The following DENND3 variants were observed in gnomAD, a reference collection of about 807,000 sequenced individuals.
DENND3 encodes DENN domain-containing protein 3.
In DENND3, 88 loss-of-function variants were observed where a neutral mutation model predicts 135.1. The ratio of observed to expected loss-of-function variants is 0.65; its 90% CI spans 0.55 to 0.78. The LOEUF is 0.78. Ranked by LOEUF, DENND3 falls within the 30% of genes least tolerant of loss-of-function variation. The pLI, the probability that DENND3 is intolerant of heterozygous loss-of-function variation, is 0.00. For synonymous variants in DENND3, 693 were observed against 712.3 expected (o/e 0.97, Z 0.43); for missense variants, 1,392 against 1,688.4 (o/e 0.82, Z 3.08).
rs931234675 is a variant in DENND3 at position 141,154,626 on chromosome 8, G to A, written c.1075-1223G>A. ...TGCCCAGGCTGGAGTGCAATGGCAC[G>A]ATCTCAGCTCACTGCAACCTCCGCC... On this transcript the variant is annotated intron_variant, in intron 7 of 22. Transcript: ENST00000519811. This position sits in a 1 kb window ranked among gnomAD's most constrained non-coding sequence, Gnocchi z 4.4. 7.3e-5 allele frequency among the ~76,000 whole-genome samples: 11 copies of A among 151,264 alleles called. No homozygotes were observed. The highest frequency in any genetic ancestry group is 4.2e-4 in the South Asian group (2 of 4,798).
intron 8 of DENND3, among the ~76,000 whole-genome samples, chr8:141,156,355 G>T (rs1392433827): frequency 6.6e-6 from 1 of 152,142 alleles, no homozygotes; most frequent in Non-Finnish European, 1.5e-5. Flanking sequence ...TTCCCAAAGT[G>T]CTGGGATTAC....
intron 9 of DENND3, among the ~76,000 whole-genome samples, chr8:141,162,508 A>G (rs150895351): frequency 2.1e-4 from 32 of 152,358 alleles, no homozygotes; most frequent in African/African-American, 7.5e-4. Flanking sequence ...ATTCTCTCCA[A>G]GAAAACACTG....
intron 18 of DENND3, among the ~76,000 whole-genome samples, chr8:141,187,752 C>T (rs1366983640): frequency 6.6e-6 from 1 of 151,982 alleles, no homozygotes; most frequent in Non-Finnish European, 1.5e-5. Context: ...TCATGAGCCT[C>T]AGATGATAAA....
chr8:141,187,955 A>C (rs950821119), intron 18 of DENND3, among the ~76,000 whole-genome samples: 1 of 152,014 alleles, frequency 6.6e-6, no homozygotes, highest in African/African-American at 2.4e-5. Context: ...GGGGGGCCGA[A>C]GCAGGAGGAT....
intron 20 of DENND3, 102 bp from the exon 21 acceptor site, chr8:141,192,229 C>G (rs1289364214): frequency 6.7e-7 from 1 of 1,488,824 alleles, no homozygotes; most frequent in Non-Finnish European, 9.1e-7. Context: ...GGTGATCCCC[C>G]CCATCACCAC....
At position 141,182,292 on chromosome 8, in the gene DENND3, A is replaced by G. The variant is rs1329951120; in HGVS notation, c.2944+1438A>G. On this transcript the variant is annotated intron_variant, in intron 17 of 22. Coordinates refer to ENST00000519811, the MANE Select transcript of DENND3 (RefSeq NM_001352890.3). This position sits in a 1 kb window ranked among gnomAD's most constrained non-coding sequence, Gnocchi z 5.9. ...AAGCTGTGTGTGAAGCGATTTCCCC[A>G]TAAGAGAGTTTTTCTCTCTTCATGG... The G allele has an allele frequency of 5.1e-6, 5 of 984,776 alleles. No individual in the cohort carries two copies. Among genetic ancestry groups the G allele is most frequent in the African/African-American group, 1.7e-5 (1 of 57,180 alleles). 61.0% of individuals were successfully genotyped at this position (984,776 alleles called of 1,614,324 possible).
At chr8:141,172,185 C>T (rs932802248) in intron 13 of DENND3, among the ~76,000 whole-genome samples, 1 of 140,924 alleles carries the variant, frequency 7.1e-6, no homozygotes, top group Admixed American at 7.0e-5. Context: ...TGTGGGTGTA[C>T]ACTGTGGTAG....
At chr8:141,184,461 A>C (rs1053822847) in intron 17 of DENND3, 2 of 151,854 alleles carry the variant, frequency 1.3e-5, no homozygotes, top group Non-Finnish European at 2.9e-5. Context: ...ACATGGCAAG[A>C]CCTCGTCTAT....
At position 141,192,602 on chromosome 8, in the gene DENND3, C is replaced by G. The variant is rs143606076; in HGVS notation, c.3575C>G (p.Pro1192Arg). The G allele has an allele frequency of 1.3e-4, 212 of 1,589,398 alleles. 1 individual carries two copies. The highest frequency in any genetic ancestry group is 1.7e-4 in the Non-Finnish European group (198 of 1,164,676). Reference sequence around the variant, plus strand: ...AGCCTGAAGGACCTGGCCCAGCCCCCGCAGAGGGTGCCCCTCGAGGACTGC... The same window carrying G: ...AGCCTGAAGGACCTGGCCCAGCCCCGGCAGAGGGTGCCCCTCGAGGACTGC... ...IWSLKDLAQP[P>R]QRVPLEDCSE... Residue 1192 changes from proline (P) to arginine (R), a missense_variant, in exon 22 of 23, where the codon CCG becomes CGG. Transcript: ENST00000519811.
At chr8:141,193,068 C>T (rs909759921) in intron 22 of DENND3, 15 of 375,842 alleles carry the variant, frequency 4.0e-5, no homozygotes, top group African/African-American at 1.3e-4. Flanking sequence ...TGGCTGTGGA[C>T]GTGGCACTCT....
rs558891515 is a variant in DENND3 at position 141,141,410 on chromosome 8, G to A, written c.623+86G>A. ...GAGCCAAGGGACCAGGGGGCTGGAG[G>A]TGGTGGGGGGGCAGCTCTCTGTTCC... On this transcript the variant is annotated intron_variant, in intron 4 of 22. Coordinates refer to ENST00000519811, the MANE Select transcript of DENND3 (RefSeq NM_001352890.3). The surrounding 1 kb of genome is among the most constrained non-coding windows in gnomAD (Gnocchi z 5.3). 8.2e-4 allele frequency: 1,234 copies of A among 1,507,122 alleles called. 5 individuals carry two copies. Among genetic ancestry groups the A allele is most frequent in the South Asian group, 2.7e-3 (234 of 86,384 alleles). The allele number at this position is 1,507,122 out of a possible 1,614,324, so 93.4% of individuals were successfully genotyped here.
intron 15 of DENND3, 57 bp from the exon 16 acceptor site, chr8:141,178,003 AGGTCTCC>A: frequency 6.5e-7 from 1 of 1,535,782 alleles, no homozygotes; most frequent in Non-Finnish European, 8.8e-7. Flanking sequence ...TGTTGCAACA[AGGTCTCC>A]GGTGAACTGA....
chr8:141,151,655 T>G lies in DENND3; in HGVS notation c.892T>G (p.Phe298Val), dbSNP rs776816199. ...CATCCTGACGGAACAGCGGATCGTC[T>G]TCTTCTCCTCGGACTGGGCTCTGCT... ...TCILTEQRIV[F>V]FSSDWALLTL... Residue 298 changes from phenylalanine to valine, a missense_variant, in exon 7 of 23, where the codon TTC becomes GTC. Coordinates refer to ENST00000519811, the MANE Select transcript of DENND3 (RefSeq NM_001352890.3). The G allele has an allele frequency of 2.1e-5, 34 of 1,613,972 alleles. No homozygotes were observed. The highest frequency in any genetic ancestry group is 5.5e-5 in the South Asian group (5 of 91,080).
Position 141,128,869 on chromosome 8 carries a change from C to T in DENND3, c.102+60C>T. ...ACGAGTCGGCAGCCGGGACAGCAGT[C>T]GGAGAGCGGGCGCCCGGGTGCCCTG... On this transcript the variant is annotated intron_variant, in intron 1 of 22. Coordinates refer to ENST00000519811, the MANE Select transcript of DENND3 (RefSeq NM_001352890.3). This position sits in a 1 kb window ranked among gnomAD's most constrained non-coding sequence, Gnocchi z 4.5. 7.9e-7 allele frequency: 1 copy of T among 1,266,088 alleles called. No individual in the cohort carries two copies. Among genetic ancestry groups the T allele is most frequent in the Non-Finnish European group, 1.0e-6 (1 of 973,786 alleles). The allele number at this position is 1,266,088 out of a possible 1,614,324, so 78.4% of individuals were successfully genotyped here.
intron 17 of DENND3, among the ~76,000 whole-genome samples, chr8:141,183,808 C>T (rs1381395316): frequency 6.7e-6 from 1 of 148,972 alleles, no homozygotes; most frequent in Non-Finnish European, 1.5e-5. Flanking sequence ...TCCAGGGCAA[C>T]GCTCACTCTA....
intron 17 of DENND3, among the ~76,000 whole-genome samples, chr8:141,183,562 A>T (rs1485424160): frequency 6.6e-6 from 1 of 151,954 alleles, no homozygotes. Flanking sequence ...GCCAAAAGCA[A>T]TGATTTTAAA....
In DENND3 at chr8:141,167,925, G is replaced by A; in HGVS notation, c.1754-79G>A. ...TTGCATCCAGAGAAACATTGTCCTT[G>A]ACAAGATGATGTGACAGGGACACGT... is the stretch of plus-strand genomic sequence containing the variant. On this transcript the variant is annotated intron_variant, in intron 12 of 22. Coordinates refer to ENST00000519811, the MANE Select transcript of DENND3 (RefSeq NM_001352890.3). The surrounding 1 kb of genome is among the most constrained non-coding windows in gnomAD (Gnocchi z 4.1). The A allele has an allele frequency of 6.6e-7, 1 of 1,522,072 alleles. No homozygotes were observed. The allele number at this position is 1,522,072 out of a possible 1,614,324, so 94.3% of individuals were successfully genotyped here.
chr8:141,160,868 C>CA, intron 9 of DENND3, 81 bp downstream of exon 9: 1 of 1,519,976 alleles, frequency 6.6e-7, no homozygotes, highest in South Asian at 1.3e-5. Flanking sequence ...CACCCCGCCC[C>CA]AGAGGGCAGG....
chr8:141,184,480 A>G lies in DENND3; in HGVS notation c.2945-659A>G, dbSNP rs1589704887. 2.0e-5 allele frequency: 3 copies of G among 150,734 alleles called. No homozygotes were observed. In the East Asian group the frequency reaches 5.8e-4, roughly 29 times the overall value. 9.3% of individuals were successfully genotyped at this position (150,734 alleles called of 1,614,324 possible). On this transcript the variant is annotated intron_variant, in intron 17 of 22. Coordinates refer to ENST00000519811, the MANE Select transcript of DENND3 (RefSeq NM_001352890.3). ...GGCAAGACCTCGTCTATTAAAAAGT[A>G]AAAAAAAATAAAAATAAAAAAAAAT...
Sources: allele counts gnomAD v4.1 joint callset (sites outside exome capture counted in the v4.1 genomes callset), GRCh38; gene constraint gnomAD v4.1.1; non-coding constraint Gnocchi (gnomAD v3.1); transcripts MANE v1.5; gene names NCBI Gene and HGNC (gene_info 2026-07-23, HGNC 2026-07-21).